DPP6: variants seen among roughly 807,000 people sequenced by gnomAD.
DPP6 encodes the protein dipeptidyl peptidase like 6.
DPP6 carries 69 observed loss-of-function variants against 122.6 expected under a neutral mutation model. That is an observed-to-expected ratio of 0.56 (90% CI 0.46 to 0.69). The LOEUF (loss-of-function observed/expected upper bound fraction) is 0.69, where lower values mean the gene tolerates loss of function less well. Among genes scored for constraint, DPP6 ranks in the 30% least tolerant of loss-of-function variants. The probability of loss-of-function intolerance (pLI) is 0.00; values close to 1 mark genes in which losing one functional copy is unlikely to be tolerated. For missense variants in DPP6, 928 were observed against 1,116.9 expected, an observed-to-expected ratio of 0.83 and a Z score of 2.41; for synonymous variants, 418 against 433.1, an observed-to-expected ratio of 0.97 and a Z score of 0.43.
At chr7:154,374,442 G>A (rs979763798) in intron 1 of DPP6, among the ~76,000 whole-genome samples, 1 of 152,096 alleles carries the variant, frequency 6.6e-6, no homozygotes, top group African/African-American at 2.4e-5. Flanking sequence ...TATGCCAAGA[G>A]CCATAGGAGT....
At chr7:154,194,323 C>A (rs1798758435) in intron 1 of DPP6, among the ~76,000 whole-genome samples, 1 of 152,170 alleles carries the variant, frequency 6.6e-6, no homozygotes, top group Non-Finnish European at 1.5e-5. Context: ...TCATAAAAAT[C>A]AAGATGAATT....
chr7:153,950,013 G>A (rs376897251), intron 1 of DPP6, among the ~76,000 whole-genome samples: 2 of 152,264 alleles, frequency 1.3e-5, no homozygotes, highest in South Asian at 2.1e-4. Context: ...GCACTGAGTC[G>A]ATTTGGTATA....
intron 5 of DPP6, among the ~76,000 whole-genome samples, chr7:154,592,462 G>A (rs1419535662): frequency 6.6e-6 from 1 of 152,204 alleles, no homozygotes; most frequent in Non-Finnish European, 1.5e-5. Context: ...ATACTGTGGT[G>A]GACAGAGCCG....
intron 1 of DPP6, among the ~76,000 whole-genome samples, chr7:153,979,842 T>G (rs1008423008): frequency 3.3e-5 from 5 of 152,218 alleles, no homozygotes; most frequent in African/African-American, 1.2e-4. Flanking sequence ...TGTGATGTAT[T>G]ATGTTTATTG....
chr7:153,980,981 T>C (rs1008979220), intron 1 of DPP6, among the ~76,000 whole-genome samples: 3 of 152,202 alleles, frequency 2.0e-5, no homozygotes, highest in African/African-American at 7.2e-5. Context: ...TGGTCAATTT[T>C]AGAATAAGTG....
At chr7:154,120,507 G>A (rs1274355190) in intron 1 of DPP6, among the ~76,000 whole-genome samples, 1 of 152,132 alleles carries the variant, frequency 6.6e-6, no homozygotes, top group Non-Finnish European at 1.5e-5. Context: ...GCCTCCCAAA[G>A]TGCTGGGATA....
At chr7:154,315,076 T>G (rs1358973036) in intron 1 of DPP6, among the ~76,000 whole-genome samples, 1 of 152,206 alleles carries the variant, frequency 6.6e-6, no homozygotes, top group East Asian at 1.9e-4. Flanking sequence ...ATGAGTTGCT[T>G]TTGAAACAAG....
intron 1 of DPP6, among the ~76,000 whole-genome samples, chr7:153,982,960 C>T (rs1796666577): frequency 6.6e-6 from 1 of 152,206 alleles, no homozygotes; most frequent in African/African-American, 2.4e-5. Context: ...AGTCAGAGCT[C>T]TCCTGTATGA....
Position 154,760,844 on chromosome 7 carries a change from T to TC in DPP6, c.884-8573_884-8572insC, listed in dbSNP as rs1182563320. ...GCCTTCCTCTTTCAAAACTTTTGTT[T>TC]TTTTTTTTTTGAGACAGTCTTGCTG... On this transcript the variant is annotated intron_variant, in intron 8 of 25. Coordinates refer to ENST00000377770, the MANE Select transcript of DPP6 (RefSeq NM_130797.4). The surrounding 1 kb of genome is among the most constrained non-coding windows in gnomAD (Gnocchi z 4.5). Among the ~76,000 whole-genome samples the TC allele has an allele frequency of 2.0e-5, 3 of 151,086 alleles. No individual in the cohort carries two copies. Among genetic ancestry groups the TC allele is most frequent in the African/African-American group, 7.3e-5 (3 of 41,072 alleles).
intron 1 of DPP6, among the ~76,000 whole-genome samples, chr7:154,225,026 C>A (rs1156318885): frequency 6.6e-6 from 1 of 152,094 alleles, no homozygotes; most frequent in Non-Finnish European, 1.5e-5. Context: ...CCTATGATTT[C>A]AGCTACGCAG....
chr7:154,502,979 G>C (rs1825375618), intron 3 of DPP6, among the ~76,000 whole-genome samples: 2 of 152,142 alleles, frequency 1.3e-5, no homozygotes, highest in African/African-American at 4.8e-5. Flanking sequence ...CAAAAAACTT[G>C]AACTTGTCTT....
Position 154,794,124 on chromosome 7 carries a change from C to A in DPP6, c.1182C>A (p.Val394=). 1 of 1,613,656 alleles carries A rather than the reference C, an allele frequency of 6.2e-7. No homozygotes were observed. The highest frequency in any genetic ancestry group is 1.1e-5 in the South Asian group (1 of 91,034). The change falls in exon 11 of 26, where the codon GTC becomes GTA. Residue 394 remains valine (V), a synonymous_variant. Transcript: ENST00000377770. ...TMVKWATSTK[V]AVTWLNRAQN... Reference sequence around the variant, plus strand: ...TGAAGTGGGCCACCAGCACCAAGGTCGCCGTGACCTGGCTGAACCGGGCGC... The same window carrying A: ...TGAAGTGGGCCACCAGCACCAAGGTAGCCGTGACCTGGCTGAACCGGGCGC...
the DPP6 span, among the ~76,000 whole-genome samples, chr7:153,785,250 GC>G: frequency 2.6e-5 from 4 of 152,052 alleles, no homozygotes; most frequent in Non-Finnish European, 4.4e-5. Flanking sequence ...GTTCTGCTCT[GC>G]TCCCTTTTGG....
At chr7:154,512,382 A>G (rs1363133850) in intron 3 of DPP6, among the ~76,000 whole-genome samples, 4 of 152,194 alleles carry the variant, frequency 2.6e-5, no homozygotes, top group South Asian at 4.1e-4. Flanking sequence ...TTTTCATGAC[A>G]GTATCATTGA....
intron 1 of DPP6, among the ~76,000 whole-genome samples, chr7:153,942,798 A>G (rs1463138625): frequency 6.6e-6 from 1 of 152,114 alleles, no homozygotes; most frequent in Admixed American, 6.5e-5. Flanking sequence ...GTGGTTGCCT[A>G]CCATTCTGCC....
chr7:154,596,081 C>CA (rs1002156393), intron 5 of DPP6, among the ~76,000 whole-genome samples: 35 of 152,280 alleles, frequency 2.3e-4, no homozygotes, highest in African/African-American at 8.2e-4. Flanking sequence ...GGTTATGCCT[C>CA]ACAGGTTCTG....
the DPP6 span, among the ~76,000 whole-genome samples, chr7:153,763,285 G>C: frequency 8.8e-5 from 13 of 148,262 alleles, no homozygotes; most frequent in Admixed American, 6.8e-4. Flanking sequence ...ACTCTCACTC[G>C]CCATTACCAC....
At chr7:154,362,496 C>T (rs1266176616) in intron 1 of DPP6, among the ~76,000 whole-genome samples, 2 of 152,228 alleles carry the variant, frequency 1.3e-5, no homozygotes, top group East Asian at 1.9e-4. Context: ...CTCACCACAA[C>T]GTCTGCTTCC....
chr7:154,643,853 G>C (rs35173185), intron 6 of DPP6, among the ~76,000 whole-genome samples: 61,474 of 152,026 alleles, frequency 0.4, 12,442 homozygotes, highest in East Asian at 0.5. Flanking sequence ...AAGTGAGCCT[G>C]ATAGCTGAGT....
Sources: allele counts gnomAD v4.1 joint callset (sites outside exome capture counted in the v4.1 genomes callset), GRCh38; gene constraint gnomAD v4.1.1; non-coding constraint Gnocchi (gnomAD v3.1); transcripts MANE v1.5; gene names NCBI Gene and HGNC (gene_info 2026-07-23, HGNC 2026-07-21).